The following ZCWPW2 variants were observed in gnomAD, a reference collection of about 807,000 sequenced individuals.
ZCWPW2 encodes zinc finger CW-type and PWWP domain containing 2, also known as zinc finger CW-type PWWP domain protein 2.
A neutral mutation model predicts 46.6 loss-of-function variants in ZCWPW2; 45 were observed. The observed-to-expected ratio is 0.96, with a 90% CI of 0.76 to 1.24. ZCWPW2 has a LOEUF of 1.24. ZCWPW2 is among the 50% of genes most tolerant of loss of function. The pLI is 0.00. For missense variants in ZCWPW2, 429 were observed against 403.9 expected (o/e 1.06, Z -0.53); for synonymous variants, 152 against 137.1 (o/e 1.11, Z -0.76).
intron 4 of ZCWPW2, among the ~76,000 whole-genome samples, chr3:28,477,916 A>G (rs747906273): frequency 3.3e-5 from 5 of 152,130 alleles, no homozygotes; most frequent in Admixed American, 6.5e-5. Context: ...CACTGAAAAC[A>G]TTATTGGACT....
intron 1 of ZCWPW2, among the ~76,000 whole-genome samples, chr3:28,371,316 G>A (rs985983707): frequency 2.0e-5 from 3 of 152,138 alleles, no homozygotes; most frequent in African/African-American, 7.2e-5. Flanking sequence ...ATGGTAATAG[G>A]TGAGAGAAAT....
chr3:28,500,352 A>C (rs1269513586), intron 6 of ZCWPW2, among the ~76,000 whole-genome samples: 1 of 152,086 alleles, frequency 6.6e-6, no homozygotes, highest in Non-Finnish European at 1.5e-5. Context: ...TTCTCTATCC[A>C]TTTTTATTTA....
intron 5 of ZCWPW2, among the ~76,000 whole-genome samples, chr3:28,482,546 A>T (rs530916801): frequency 5.1e-4 from 77 of 151,410 alleles, no homozygotes; most frequent in Non-Finnish European, 9.4e-4. Context: ...ATATGGTGAG[A>T]TATGTTCAAA....
chr3:28,362,874 T>G (rs948477296), intron 1 of ZCWPW2, among the ~76,000 whole-genome samples: 1 of 152,128 alleles, frequency 6.6e-6, no homozygotes, highest in South Asian at 2.1e-4. Context: ...TGGAATACTT[T>G]GCAGTCATAA....
At chr3:28,389,243 T>A (rs749360718) in intron 1 of ZCWPW2, among the ~76,000 whole-genome samples, 2 of 152,190 alleles carry the variant, frequency 1.3e-5, no homozygotes, top group East Asian at 3.8e-4. Flanking sequence ...ATACAAGATA[T>A]AAGGGTCCCC....
intron 4 of ZCWPW2, among the ~76,000 whole-genome samples, chr3:28,472,887 A>C (rs745475817): frequency 9.2e-5 from 14 of 152,122 alleles, no homozygotes; most frequent in East Asian, 3.9e-4. Flanking sequence ...GAAAAAAAAA[A>C]CAAACTAATA....
chr3:28,435,301 C>T (rs1697435362), intron 4 of ZCWPW2, 32 bp downstream of exon 4: 1 of 1,550,656 alleles, frequency 6.4e-7, no homozygotes, highest in Non-Finnish European at 8.7e-7. Flanking sequence ...CTTTATTCTT[C>T]TTGCACTTAT....
At chr3:28,442,551 C>T (rs559170525) in intron 4 of ZCWPW2, among the ~76,000 whole-genome samples, 5 of 152,246 alleles carry the variant, frequency 3.3e-5, no homozygotes, top group South Asian at 2.1e-4. Context: ...CCTTGAGGTG[C>T]GACAGTAAAA....
chr3:28,402,376 G>T (rs114667757), intron 2 of ZCWPW2, among the ~76,000 whole-genome samples: 2,339 of 152,178 alleles, frequency 0.015, 65 homozygotes, highest in African/African-American at 0.053. Flanking sequence ...CTTAAATCAG[G>T]AAGAATTAGA....
chr3:28,492,902 G>T (rs1699860362), intron 6 of ZCWPW2, among the ~76,000 whole-genome samples: 1 of 151,980 alleles, frequency 6.6e-6, no homozygotes, highest in South Asian at 2.1e-4. Context: ...GAGTGGTGAG[G>T]CAGAGCAGAT....
intron 8 of ZCWPW2, among the ~76,000 whole-genome samples, chr3:28,518,701 A>C (rs1327986420): frequency 6.6e-6 from 1 of 152,216 alleles, no homozygotes; most frequent in African/African-American, 2.4e-5. Context: ...TGACATTAGA[A>C]ATATAAAGAT....
chr3:28,521,148 A>C, intron 9 of ZCWPW2, 32 bp downstream of exon 9: 1 of 1,569,324 alleles, frequency 6.4e-7, no homozygotes, highest in Non-Finnish European at 8.6e-7. Context: ...AGACCTAAAT[A>C]ACAACTTCAA....
At chr3:28,408,563 T>C (rs1366653116) in intron 2 of ZCWPW2, among the ~76,000 whole-genome samples, 1 of 152,200 alleles carries the variant, frequency 6.6e-6, no homozygotes, top group Non-Finnish European at 1.5e-5. Flanking sequence ...TGCATAATAG[T>C]AATTGTAAAT....
intron 6 of ZCWPW2, among the ~76,000 whole-genome samples, chr3:28,492,751 T>G (rs1699854524): frequency 1.3e-5 from 2 of 152,146 alleles, no homozygotes; most frequent in Admixed American, 1.3e-4. Flanking sequence ...AACCTTGACA[T>G]TCTCCTCAAG....
intron 2 of ZCWPW2, among the ~76,000 whole-genome samples, chr3:28,390,987 G>C (rs761680647): frequency 1.3e-5 from 2 of 152,156 alleles, no homozygotes; most frequent in Non-Finnish European, 2.9e-5. Flanking sequence ...TGAGAGATGA[G>C]AGGTACCAGG....
intron 3 of ZCWPW2, among the ~76,000 whole-genome samples, chr3:28,421,619 A>G (rs1236715099): frequency 6.6e-6 from 1 of 152,078 alleles, no homozygotes; most frequent in Non-Finnish European, 1.5e-5. Flanking sequence ...TGACTTCTTC[A>G]GTACCCAGCT....
chr3:28,368,864 A>C (rs371050046), intron 1 of ZCWPW2, among the ~76,000 whole-genome samples: 1 of 151,978 alleles, frequency 6.6e-6, no homozygotes, highest in Non-Finnish European at 1.5e-5. Context: ...ATTTCTTTTT[A>C]TTCTTTTTTC....
At chr3:28,378,821 A>G (rs951027700) in intron 1 of ZCWPW2, among the ~76,000 whole-genome samples, 1 of 152,170 alleles carries the variant, frequency 6.6e-6, no homozygotes, top group African/African-American at 2.4e-5. Flanking sequence ...TTAATAAGAT[A>G]GATATGAGCC....
At chr3:28,370,815 C>G (rs1705306084) in intron 1 of ZCWPW2, among the ~76,000 whole-genome samples, 1 of 152,126 alleles carries the variant, frequency 6.6e-6, no homozygotes, top group African/African-American at 2.4e-5. Flanking sequence ...TCAACGCAAC[C>G]TCCACCTCTC....
Sources: gnomAD v4.1 joint callset for allele counts (sites outside exome capture counted in the v4.1 genomes callset) on GRCh38, gnomAD v4.1.1 for gene constraint, MANE v1.5 for transcripts, NCBI Gene and HGNC (gene_info 2026-07-23, HGNC 2026-07-21) for gene names.